The following SMYD2 variants were observed in gnomAD, a reference collection of about 807,000 sequenced individuals.
SMYD2 encodes SET and MYND domain containing 2.
Under a neutral mutation model 59.1 loss-of-function variants are expected in SMYD2, and 53 were observed. The ratio of observed to expected loss-of-function variants is 0.90; its 90% confidence interval spans 0.72 to 1.13. SMYD2 has a LOEUF of 1.13. SMYD2 is among the 50% of genes most tolerant of loss of function. The probability of loss-of-function intolerance (pLI) is 0.00; values close to 1 mark genes in which losing one functional copy is unlikely to be tolerated. For synonymous variants in SMYD2, 208 were observed against 198.8 expected (o/e 1.05, Z -0.39); for missense variants, 494 against 544.7 (o/e 0.91, Z 0.93).
Position 214,334,276 on chromosome 1 carries a change from C to A in SMYD2, c.1189C>A (p.His397Asn), listed in dbSNP as rs778076664. The A allele has an allele frequency of 1.2e-5, 19 of 1,613,742 alleles. No homozygotes were observed. The South Asian group carries it at 2.1e-4, about 18-fold the overall frequency. The change falls in exon 11 of 12, where the codon CAC becomes AAC. Residue 397 changes from histidine (H) to asparagine (N), a missense_variant. Transcript: ENST00000366957. Reference protein sequence around the residue: ...KLGRLYMGLEHKAAGEKALKK... With the variant: ...KLGRLYMGLENKAAGEKALKK... ...AGGGAGACTCTACATGGGCCTGGAA[C>A]ACAAAGCCGCAGGGGAGAAAGCCCT...
At chr1:214,291,440 C>T (rs1656633806) in intron 1 of SMYD2, among the ~76,000 whole-genome samples, 1 of 152,124 alleles carries the variant, frequency 6.6e-6, no homozygotes, top group Admixed American at 6.5e-5. Flanking sequence ...GTTGGAAGGG[C>T]CTCAGAAGCG....
At position 214,328,172 on chromosome 1, in the gene SMYD2, G is replaced by A. The variant is rs191054386; in HGVS notation, c.705+448G>A. ...TGCTTGTTCCCCACCATCCCTCAAAGGTCCAAAGCAAAAGAAAGCAAGCAA... is the reference window on the plus strand; with the variant it reads ...TGCTTGTTCCCCACCATCCCTCAAAAGTCCAAAGCAAAAGAAAGCAAGCAA... On this transcript the variant is annotated intron_variant, in intron 7 of 11. Transcript: ENST00000366957. 5.4e-3 allele frequency among the ~76,000 whole-genome samples: 828 copies of A among 152,066 alleles called. 7 individuals are homozygous for A. Among genetic ancestry groups the A allele is most frequent in the Non-Finnish European group, 8.7e-3 (589 of 67,996 alleles).
intron 1 of SMYD2, among the ~76,000 whole-genome samples, chr1:214,290,098 C>T (rs564763306): frequency 1.2e-3 from 190 of 152,294 alleles, no homozygotes; most frequent in Non-Finnish European, 2.2e-3. Flanking sequence ...CCACCCTCCG[C>T]GGCTTCCTAT....
At chr1:214,298,964 G>T (rs1656776159) in intron 1 of SMYD2, among the ~76,000 whole-genome samples, 1 of 152,046 alleles carries the variant, frequency 6.6e-6, no homozygotes, top group African/African-American at 2.4e-5. Flanking sequence ...ACCAGCCTGG[G>T]CAACATAGCG....
intron 1 of SMYD2, among the ~76,000 whole-genome samples, chr1:214,283,634 T>C (rs1656483301): frequency 6.6e-6 from 1 of 152,188 alleles, no homozygotes; most frequent in South Asian, 2.1e-4. Context: ...AATTTGTATA[T>C]GACTTAGGAC....
rs1359805630 is a variant in SMYD2 at position 214,336,808 on chromosome 1, A to T, written c.*24A>T. The T allele has an allele frequency of 6.3e-7, 1 of 1,594,680 alleles. No homozygotes were observed. The highest frequency in any genetic ancestry group is 1.7e-5 in the Admixed American group (1 of 59,308). ...GAAACTATGCAGCATTTCAGTTTTCATTTAAACACTTAGTTCAGAAACCTT... is the reference window on the plus strand; with the variant it reads ...GAAACTATGCAGCATTTCAGTTTTCTTTTAAACACTTAGTTCAGAAACCTT... On this transcript the variant is annotated 3_prime_UTR_variant, in exon 12 of 12. Transcript: ENST00000366957.
intron 2 of SMYD2, among the ~76,000 whole-genome samples, chr1:214,310,367 G>T (rs1328143880): frequency 6.6e-6 from 1 of 152,192 alleles, no homozygotes; most frequent in African/African-American, 2.4e-5. Context: ...AAGTTACACA[G>T]TCTGTCCTCA....
chr1:214,304,267 CTA>C (rs759037427), intron 1 of SMYD2, among the ~76,000 whole-genome samples: 59 of 152,210 alleles, frequency 3.9e-4, no homozygotes, highest in South Asian at 4.2e-4. Context: ...ATTCAAGAAT[CTA>C]TTTCTTGGTG....
At position 214,334,290 on chromosome 1, in the gene SMYD2, G is replaced by A. The variant is rs2102481238; in HGVS notation, c.1203G>A (p.Gly401=). The A allele has an allele frequency of 6.2e-7, 1 of 1,613,640 alleles. No homozygotes were observed. ...TGGGCCTGGAACACAAAGCCGCAGG[G>A]GAGAAAGCCCTGAAGAAGGTATGTC... ...LYMGLEHKAA[G]EKALKKAIAI... Residue 401 remains glycine (G), a synonymous_variant, in exon 11 of 12, where the codon GGG becomes GGA. Transcript: ENST00000366957.
At chr1:214,334,961 CGCCTTT>C (rs1657413109) in intron 11 of SMYD2, among the ~76,000 whole-genome samples, 1 of 152,198 alleles carries the variant, frequency 6.6e-6, no homozygotes, top group Non-Finnish European at 1.5e-5. Context: ...GGGCAGCATT[CGCCTTT>C]GGTTTGATGG....
intron 3 of SMYD2, among the ~76,000 whole-genome samples, chr1:214,316,097 A>G (rs2102469647): frequency 6.6e-6 from 1 of 152,324 alleles, no homozygotes; most frequent in East Asian, 1.9e-4. Flanking sequence ...TAGAAGGCAT[A>G]TGTCCAGGCT....
At chr1:214,281,466 G>C (rs781166567) in intron 1 of SMYD2, 39 bp downstream of exon 1, 1 of 1,340,026 alleles carries the variant, frequency 7.5e-7, no homozygotes, top group African/African-American at 1.5e-5. Context: ...CGGGAGCCGG[G>C]GGCGCCGAGC....
intron 8 of SMYD2, 22 bp from the exon 9 acceptor site, chr1:214,330,928 C>G: frequency 6.2e-7 from 1 of 1,613,708 alleles, no homozygotes; most frequent in Non-Finnish European, 8.5e-7. Flanking sequence ...TAACGCCTTG[C>G]CCTTGTGGAC....
chr1:214,293,683 ACT>A (rs1399532012), intron 1 of SMYD2, among the ~76,000 whole-genome samples: 2 of 151,544 alleles, frequency 1.3e-5, no homozygotes, highest in African/African-American at 4.9e-5. Context: ...TCCCCAAATA[ACT>A]CTTTTTTTGA....
rs56102481 is a variant in SMYD2, at chr1:214,301,769, T to TA, written c.174-3400dup. ...TTTATCTAAAACTGTTCTTTCAAGT[T>TA]AAAAAAAAAAAAAAAAAAGCCAGGA... On this transcript the variant is annotated intron_variant, in intron 1 of 11. Transcript: ENST00000366957. Among the ~76,000 whole-genome samples the TA allele has an allele frequency of 3.8e-4, 51 of 133,346 alleles. 4 individuals carry two copies. The highest frequency in any genetic ancestry group is 8.2e-4 in the African/African-American group (28 of 34,226). The allele number at this position is 133,346 out of a possible 152,430, so 87.5% of individuals were successfully genotyped here.
intron 1 of SMYD2, among the ~76,000 whole-genome samples, chr1:214,297,993 A>G (rs1212120209): frequency 6.6e-6 from 1 of 152,194 alleles, no homozygotes. Flanking sequence ...CAATCTACAG[A>G]TTTCAACACT....
At chr1:214,327,932 G>A (rs1657289696) in intron 7 of SMYD2, among the ~76,000 whole-genome samples, 1 of 152,076 alleles carries the variant, frequency 6.6e-6, no homozygotes, top group South Asian at 2.1e-4. Flanking sequence ...GCTTCTGTTT[G>A]GTACATACAT....
chr1:214,314,537 T>A lies in SMYD2; in HGVS notation c.238-225T>A, dbSNP rs114546160. The stretch of plus-strand genomic sequence containing the variant: ...GCTTGAGGAAAAAACACAAAGTAGA[T>A]CTTCTCATCCCAACAAGCTTGACCC... On this transcript the variant is annotated intron_variant, in intron 2 of 11. Transcript: ENST00000366957. 2.9e-3 allele frequency among the ~76,000 whole-genome samples: 447 copies of A among 152,252 alleles called. 1 individual carries two copies. Among genetic ancestry groups the A allele is most frequent in the African/African-American group, 0.01 (435 of 41,550 alleles).
Position 214,305,397 on chromosome 1 carries a change from C to T in SMYD2, c.237+147C>T, listed in dbSNP as rs941789985. On this transcript the variant is annotated intron_variant, in intron 2 of 11. Transcript: ENST00000366957. Reference sequence around the variant, plus strand: ...ATCCTTGGATGTGTGCTGACCCCGACCTCACAGGCGGCCAGTGATAGGCAG... The same window carrying T: ...ATCCTTGGATGTGTGCTGACCCCGATCTCACAGGCGGCCAGTGATAGGCAG... 6.5e-6 allele frequency: 5 copies of T among 767,024 alleles called. No individual in the cohort carries two copies. In the East Asian group the frequency reaches 7.7e-5, roughly 12 times the overall value. 47.5% of individuals were successfully genotyped at this position (767,024 alleles called of 1,614,324 possible). A position where few individuals can be genotyped will look rare whatever the true frequency, so the allele number is the denominator to read the frequency against.
Sources: gnomAD v4.1 joint callset for allele counts (sites outside exome capture counted in the v4.1 genomes callset) on GRCh38, gnomAD v4.1.1 for gene constraint, MANE v1.5 for transcripts, NCBI Gene and HGNC (gene_info 2026-07-23, HGNC 2026-07-21) for gene names.